The following DNM3 variants were observed in gnomAD, a reference collection of about 807,000 sequenced individuals.
DNM3 encodes dynamin 3, also known as dynamin-3.
DNM3 carries 47 observed loss-of-function variants against 101.6 expected under a neutral mutation model. That is an observed-to-expected ratio of 0.46 (90% CI 0.37 to 0.59). The LOEUF (loss-of-function observed/expected upper bound fraction) is 0.59, where lower values mean the gene tolerates loss of function less well. DNM3 is among the 20% of genes least tolerant of loss of function. The probability of loss-of-function intolerance (pLI) is 0.00; values close to 1 mark genes in which losing one functional copy is unlikely to be tolerated. For synonymous variants in DNM3, 385 were observed against 387.9 expected, an observed-to-expected ratio of 0.99 and a Z score of 0.09; for missense variants, 849 against 1,085.7, an observed-to-expected ratio of 0.78 and a Z score of 3.06.
chr1:172,112,829 GGTT>G (rs1373291063), intron 13 of DNM3, among the ~76,000 whole-genome samples: 1 of 152,150 alleles, frequency 6.6e-6, no homozygotes, highest in African/African-American at 2.4e-5. Flanking sequence ...AATCTCATAG[GGTT>G]GTTGAGAAGA....
chr1:172,127,641 C>T (rs1172808535), intron 13 of DNM3, among the ~76,000 whole-genome samples: 1 of 151,742 alleles, frequency 6.6e-6, no homozygotes, highest in Admixed American at 6.6e-5. Context: ...GATCCCCTGA[C>T]CTCGTGATAC....
chr1:171,954,601 G>T (rs772612271), intron 2 of DNM3, among the ~76,000 whole-genome samples: 1 of 152,172 alleles, frequency 6.6e-6, no homozygotes, highest in African/African-American at 2.4e-5. Context: ...CAGCTGATAC[G>T]CAGTTCCCTC....
At chr1:171,917,882 G>C (rs1047132888) in intron 1 of DNM3, among the ~76,000 whole-genome samples, 65 of 152,014 alleles carry the variant, frequency 4.3e-4, no homozygotes, top group African/African-American at 1.3e-3. Flanking sequence ...ATGCTTACAG[G>C]TTTTCCCATA....
intron 1 of DNM3, among the ~76,000 whole-genome samples, chr1:171,858,627 G>C (rs1436108869): frequency 6.6e-6 from 1 of 152,160 alleles, no homozygotes; most frequent in Non-Finnish European, 1.5e-5. Context: ...CCCACTCAGT[G>C]GGTCTGGAGG....
chr1:172,130,985 A>G (rs1025270421), intron 13 of DNM3, among the ~76,000 whole-genome samples, 190 bp from the exon 14 acceptor site: 1 of 152,126 alleles, frequency 6.6e-6, no homozygotes, highest in Non-Finnish European at 1.5e-5. Flanking sequence ...GACAGGAGAG[A>G]CTTCCCTTCA....
chr1:172,359,238 G>A (rs769365114), intron 17 of DNM3, among the ~76,000 whole-genome samples: 10 of 151,846 alleles, frequency 6.6e-5, no homozygotes, highest in Non-Finnish European at 1.5e-4. Flanking sequence ...GCTTGAGGCC[G>A]CATAGACCAG....
At chr1:172,052,793 C>T (rs1440105736) in intron 10 of DNM3, among the ~76,000 whole-genome samples, 1 of 152,160 alleles carries the variant, frequency 6.6e-6, no homozygotes, top group African/African-American at 2.4e-5. Context: ...TCTCTTCTTA[C>T]TATATTTTCT....
At chr1:172,149,278 G>A (rs113253437) in intron 14 of DNM3, among the ~76,000 whole-genome samples, 1,751 of 152,176 alleles carry the variant, frequency 0.012, 34 homozygotes, top group African/African-American at 0.039. Flanking sequence ...ATAATGTTAC[G>A]TCTTTGAATT....
intron 17 of DNM3, among the ~76,000 whole-genome samples, chr1:172,372,262 G>A (rs954243849): frequency 6.6e-5 from 10 of 151,668 alleles, no homozygotes; most frequent in African/African-American, 2.4e-4. Context: ...CTGCAAATAG[G>A]TGTATGATCC....
intron 13 of DNM3, among the ~76,000 whole-genome samples, chr1:172,122,549 C>T (rs1051680620): frequency 4.6e-5 from 7 of 152,132 alleles, no homozygotes; most frequent in Admixed American, 4.6e-4. Flanking sequence ...AATATTTTTC[C>T]CACATCATGT....
intron 14 of DNM3, among the ~76,000 whole-genome samples, chr1:172,235,883 A>T (rs1042839662): frequency 1.3e-5 from 2 of 152,188 alleles, no homozygotes; most frequent in African/African-American, 4.8e-5. Flanking sequence ...ATTAGGAGAT[A>T]TACCTAATGC....
chr1:172,147,865 T>A (rs1558641877), intron 14 of DNM3, among the ~76,000 whole-genome samples: 1 of 152,120 alleles, frequency 6.6e-6, no homozygotes, highest in Non-Finnish European at 1.5e-5. Flanking sequence ...ATGGTAACTG[T>A]TTGGCATGAT....
intron 16 of DNM3, among the ~76,000 whole-genome samples, chr1:172,317,485 C>T (rs963741513): frequency 6.6e-6 from 1 of 152,140 alleles, no homozygotes; most frequent in South Asian, 2.1e-4. Context: ...AATTGATAGA[C>T]CACTAGCAAG....
chr1:172,378,484 A>G (rs371963332), intron 17 of DNM3, among the ~76,000 whole-genome samples: 1 of 149,986 alleles, frequency 6.7e-6, no homozygotes, highest in East Asian at 2.0e-4. Flanking sequence ...GCATGGAAGA[A>G]TAAATTATCT....
At chr1:172,323,563 C>G (rs1231577241) in intron 17 of DNM3, among the ~76,000 whole-genome samples, 1 of 152,162 alleles carries the variant, frequency 6.6e-6, no homozygotes, top group Non-Finnish European at 1.5e-5. Flanking sequence ...CCTTCAGGGT[C>G]TAATGGCTAG....
At position 172,093,862 on chromosome 1, in the gene DNM3, C is replaced by T. The variant is rs186963660; in HGVS notation, c.1545+987C>T. 72 of 708,266 alleles carry T rather than the reference C, an allele frequency of 1.0e-4. No individual in the cohort carries two copies. In the Admixed American group the frequency reaches 2.3e-3, roughly 23 times the overall value. The allele number at this position is 708,266 out of a possible 1,614,324, so 43.9% of individuals were successfully genotyped here. ...AACTTAGGTTGTCTTGTCCGTAACACCCTATCATTGAAATAAAAATCCTCT... is the reference window on the plus strand; with the variant it reads ...AACTTAGGTTGTCTTGTCCGTAACATCCTATCATTGAAATAAAAATCCTCT... On this transcript the variant is annotated intron_variant, in intron 13 of 20. Transcript: ENST00000627582.
chr1:172,182,617 C>T (rs977926953), intron 14 of DNM3, among the ~76,000 whole-genome samples: 2 of 152,102 alleles, frequency 1.3e-5, no homozygotes, highest in African/African-American at 4.8e-5. Context: ...CTCAGAGGTA[C>T]TCACTAAAGT....
At chr1:172,044,105 T>C (rs2049595331) in intron 8 of DNM3, among the ~76,000 whole-genome samples, 1 of 152,196 alleles carries the variant, frequency 6.6e-6, no homozygotes. Context: ...ACATTTCAAA[T>C]GAATGGCTAG....
chr1:172,023,922 A>G (rs1179207007), intron 4 of DNM3, among the ~76,000 whole-genome samples: 4 of 150,756 alleles, frequency 2.7e-5, no homozygotes, highest in Non-Finnish European at 5.9e-5. Context: ...TTTTCTTCCA[A>G]CCATTTTACT....
Sources: gnomAD v4.1 joint callset for allele counts (sites outside exome capture counted in the v4.1 genomes callset) on GRCh38, gnomAD v4.1.1 for gene constraint, MANE v1.5 for transcripts, NCBI Gene and HGNC (gene_info 2026-07-23, HGNC 2026-07-21) for gene names.